Variants in RFLNA observed in about 807,000 individuals in gnomAD.
RFLNA encodes refilin A.
Under a neutral mutation model 7.8 loss-of-function variants are expected in RFLNA, and 5 were observed. The observed-to-expected ratio is 0.64, with a 90% CI of 0.34 to 1.35. The LOEUF (loss-of-function observed/expected upper bound fraction) is 1.35. Ranked by LOEUF, RFLNA falls within the 40% of genes most tolerant of loss-of-function variation. RFLNA has a pLI of 0.04. For missense variants in RFLNA, 278 were observed against 305.5 expected (o/e 0.91, Z 0.67); for synonymous variants, 141 against 131.3 (o/e 1.07, Z -0.50).
upstream of RFLNA, among the ~76,000 whole-genome samples, chr12:124,294,922 C>G (rs2033877586): frequency 6.6e-6 from 1 of 152,196 alleles, no homozygotes; most frequent in African/African-American, 2.4e-5. Context: ...GAGTGGGGGA[C>G]ACACGCGCCT....
chr12:124,305,323 C>T (rs1364636760), intron 1 of RFLNA, among the ~76,000 whole-genome samples: 3 of 152,186 alleles, frequency 2.0e-5, no homozygotes, highest in Admixed American at 6.5e-5. Context: ...TCAGCTGTGC[C>T]GAAGCCTGGG....
In RFLNA at chr12:124,308,042, C is replaced by T. The variant is rs145075147; in HGVS notation, c.208-3776C>T. Among the ~76,000 whole-genome samples, 519 of 150,340 alleles carry T rather than the reference C, an allele frequency of 3.5e-3. 3 individuals are homozygous for T. Among genetic ancestry groups the T allele is most frequent in the Non-Finnish European group, 5.9e-3 (398 of 67,820 alleles). ...TGTTGCCCAGGCTGGAGTACAGTGG[C>T]GCGATCTCGGCTCACTGCAACCTCT... On this transcript the variant is annotated intron_variant, in intron 1 of 2. Transcript: ENST00000546355.
chr12:124,311,058 TC>T (rs1010064145), intron 1 of RFLNA, among the ~76,000 whole-genome samples: 11 of 152,144 alleles, frequency 7.2e-5, no homozygotes, highest in Admixed American at 2.0e-4. Context: ...TCAGCATAGC[TC>T]CATTTCCACT....
chr12:124,311,018 G>A (rs776848025), intron 1 of RFLNA, among the ~76,000 whole-genome samples: 9 of 152,168 alleles, frequency 5.9e-5, no homozygotes, highest in Non-Finnish European at 1.0e-4. Flanking sequence ...GGAAAGACTT[G>A]ATCTTTCACA....
intron 1 of RFLNA, among the ~76,000 whole-genome samples, chr12:124,298,154 G>T (rs569047526): frequency 5.1e-4 from 78 of 152,294 alleles, no homozygotes; most frequent in Non-Finnish European, 8.5e-4. Flanking sequence ...AAAGTTGGTG[G>T]CATATGCCTC....
At chr12:124,290,421 T>C (rs1242206189), upstream of RFLNA, among the ~76,000 whole-genome samples, 1 of 152,180 alleles carries the variant, frequency 6.6e-6, no homozygotes, top group African/African-American at 2.4e-5. The surrounding 1 kb of genome is among the most constrained non-coding windows in gnomAD (Gnocchi z 4.0). Flanking sequence ...TGTAGGTACA[T>C]GTGTGTATGT....
intron 1 of RFLNA, among the ~76,000 whole-genome samples, chr12:124,301,523 G>A (rs2034038552): frequency 6.6e-6 from 1 of 152,198 alleles, no homozygotes; most frequent in South Asian, 2.1e-4. Context: ...ACGGTACATG[G>A]ACTGTGGACA....
intron 1 of RFLNA, among the ~76,000 whole-genome samples, chr12:124,298,464 T>C (rs1212828278): frequency 6.6e-6 from 1 of 152,184 alleles, no homozygotes; most frequent in Non-Finnish European, 1.5e-5. Context: ...CATGGGCTTT[T>C]TGTGCTCACT....
intron 1 of RFLNA, among the ~76,000 whole-genome samples, chr12:124,300,923 G>GATGT (rs1215366021): frequency 6.6e-6 from 1 of 151,898 alleles, no homozygotes; most frequent in African/African-American, 2.4e-5. Flanking sequence ...AGGGTGGATG[G>GATGT]ATGGATGGAT....
At chr12:124,308,364 A>T (rs906272120) in intron 1 of RFLNA, among the ~76,000 whole-genome samples, 3 of 152,106 alleles carry the variant, frequency 2.0e-5, no homozygotes, top group Non-Finnish European at 2.9e-5. Flanking sequence ...CAGGAGCCTC[A>T]ATTCCATCTG....
At chr12:124,303,764 A>G (rs978157534) in intron 1 of RFLNA, among the ~76,000 whole-genome samples, 1 of 152,132 alleles carries the variant, frequency 6.6e-6, no homozygotes, top group African/African-American at 2.4e-5. Flanking sequence ...CCGAGGGCAG[A>G]CGAGGGCATC....
At chr12:124,295,698 C>G (rs1307099884) in intron 1 of RFLNA, 62 bp downstream of exon 1, 2 of 1,222,150 alleles carry the variant, frequency 1.6e-6, no homozygotes, top group Non-Finnish European at 2.0e-6. Context: ...AGGGCTGCCC[C>G]CAGAGACGCG....
chr12:124,311,174 G>A lies in RFLNA; in HGVS notation c.208-644G>A, dbSNP rs77926626. 7.5e-3 allele frequency among the ~76,000 whole-genome samples: 1,148 copies of A among 152,286 alleles called. 16 individuals are homozygous for A. Among genetic ancestry groups the A allele is most frequent in the African/African-American group, 0.026 (1,084 of 41,552 alleles). ...CTCATTGGCCCAGTGTGGGTTACAC[G>A]CCCATGTCCAATCCAGTCCTTGTCC... is the stretch of plus-strand genomic sequence containing the variant. On this transcript the variant is annotated intron_variant, in intron 1 of 2. Coordinates refer to ENST00000546355, the MANE Select transcript of RFLNA (RefSeq NM_001365156.1).
chr12:124,307,569 G>T (rs572217733), intron 1 of RFLNA, among the ~76,000 whole-genome samples: 1 of 152,306 alleles, frequency 6.6e-6, no homozygotes, highest in East Asian at 1.9e-4. Flanking sequence ...TCATAAACTG[G>T]TTTCACAAGA....
chr12:124,311,840 C>T lies in RFLNA; in HGVS notation c.230C>T (p.Pro77Leu). ...CAGCCCCCCTCCCAACTCCCAAATC[C>T]CCCGGCGTCGGAGATGAGGCCCCGG... ...ARAPPSQLPN[P>L]PASEMRPRML... The change falls in exon 2 of 3, where the codon CCC becomes CTC. Residue 77 changes from proline (P) to leucine (L), a missense_variant. Physicochemically the swap from Pro to Leu is moderately conservative, Grantham distance 98. Coordinates refer to ENST00000546355, the MANE Select transcript of RFLNA (RefSeq NM_001365156.1). 6.3e-7 allele frequency: 1 copy of T among 1,598,642 alleles called. No individual in the cohort carries two copies. Among genetic ancestry groups the T allele is most frequent in the Non-Finnish European group, 8.5e-7 (1 of 1,173,318 alleles).
In RFLNA at chr12:124,289,660, C is replaced by T. The variant is rs978766706; in HGVS notation, c.-37+290C>T. ...ATGGGCCCTGACCCCCAGACAGCTG[C>T]CCAGCAAAGGCGGGCTGCAGGCTCC... On this transcript the variant is annotated intron_variant, in intron 1 of 2. Transcript: ENST00000324038. This position sits in a 1 kb window ranked among gnomAD's most constrained non-coding sequence, Gnocchi z 5.0. Among the ~76,000 whole-genome samples, 1 of 152,210 alleles carries T rather than the reference C, an allele frequency of 6.6e-6. No individual in the cohort carries two copies. Among genetic ancestry groups the T allele is most frequent in the African/African-American group, 2.4e-5 (1 of 41,448 alleles).
At chr12:124,313,107 T>C (rs1307107948) in intron 2 of RFLNA, among the ~76,000 whole-genome samples, 2 of 152,184 alleles carry the variant, frequency 1.3e-5, no homozygotes, top group East Asian at 3.8e-4. Context: ...CATTGTCTAG[T>C]TTTTAAAATG....
Position 124,314,469 on chromosome 12 carries a change from C to T in RFLNA, c.595C>T (p.Gln199Ter). The T allele has an allele frequency of 6.3e-7, 1 of 1,599,018 alleles. No homozygotes were observed. Among genetic ancestry groups the T allele is most frequent in the Non-Finnish European group, 8.5e-7 (1 of 1,179,286 alleles). ...CAGCCGCTGGTTCACCGCCAGCGTG[C>T]AGCTGCAGCTTTGCCAGGACCCTGC... ...RPSRWFTASV[Q>*]LQLCQDPAPS... is the part of the protein sequence containing the mutation. The change falls in exon 3 of 3, where the codon CAG (glutamine) becomes TAG (stop). Residue 199 changes from glutamine to a stop codon, truncating the protein, a stop_gained. Transcript: ENST00000546355. LOFTEE classifies it low-confidence loss of function (END_TRUNC).
At chr12:124,305,233 G>A (rs2034117511) in intron 1 of RFLNA, among the ~76,000 whole-genome samples, 2 of 152,226 alleles carry the variant, frequency 1.3e-5, no homozygotes, top group South Asian at 4.1e-4. Flanking sequence ...CATGGGAAAG[G>A]AGGATCCCCC....
Sources: allele counts gnomAD v4.1 joint callset (sites outside exome capture counted in the v4.1 genomes callset), GRCh38; gene constraint gnomAD v4.1.1; non-coding constraint Gnocchi (gnomAD v3.1); transcripts MANE v1.5; gene names NCBI Gene and HGNC (gene_info 2026-07-23, HGNC 2026-07-21).